The following EFCAB11 variants were observed in gnomAD, a reference collection of about 807,000 sequenced individuals.
EFCAB11 encodes the protein EF-hand calcium-binding domain-containing protein 11.
Under a neutral mutation model 23.0 loss-of-function variants are expected in EFCAB11, and 14 were observed. The ratio of observed to expected loss-of-function variants is 0.61; its 90% CI spans 0.40 to 0.95. EFCAB11 has a LOEUF of 0.95. EFCAB11 is among the 40% of genes least tolerant of loss of function. The probability of loss-of-function intolerance (pLI) is 0.00; values close to 1 mark genes in which losing one functional copy is unlikely to be tolerated. For synonymous variants in EFCAB11, 65 were observed against 66.6 expected (o/e 0.98, Z 0.11); for missense variants, 198 against 195.8 (o/e 1.01, Z -0.07).
rs189334638 is a variant in EFCAB11, at chr14:89,828,873, G to C, written c.411-31549C>G. 4.4e-3 allele frequency among the ~76,000 whole-genome samples: 677 copies of C among 152,284 alleles called. 7 individuals are homozygous for C. The highest frequency in any genetic ancestry group is 0.016 in the African/African-American group (649 of 41,554). ...TTACTTGGAAATATTGGGTGAATCT[G>C]CAGCAAAGAAGGTGGCTCAAGCACT... On this transcript the variant is annotated intron_variant, in intron 5 of 5. Coordinates refer to ENST00000316738, the MANE Select transcript of EFCAB11 (RefSeq NM_145231.4).
chr14:89,946,075 T>C (rs61998726), intron 3 of EFCAB11, among the ~76,000 whole-genome samples: 9,567 of 151,932 alleles, frequency 0.063, 430 homozygotes, highest in Non-Finnish European at 0.089. Context: ...TGCACCACCA[T>C]GTCCAGCTAA....
At chr14:89,843,175 G>A (rs907424511) in intron 5 of EFCAB11, among the ~76,000 whole-genome samples, 2 of 151,974 alleles carry the variant, frequency 1.3e-5, no homozygotes, top group Admixed American at 1.3e-4. Context: ...TTTGGCTTCA[G>A]GATTCCCTTA....
At chr14:89,887,324 T>G (rs1888820459) in intron 5 of EFCAB11, among the ~76,000 whole-genome samples, 1 of 152,098 alleles carries the variant, frequency 6.6e-6, no homozygotes, top group Non-Finnish European at 1.5e-5. Flanking sequence ...GAACTACAAA[T>G]GCAAAGATCT....
chr14:89,817,556 C>T (rs1002557118), intron 5 of EFCAB11, among the ~76,000 whole-genome samples: 1 of 152,020 alleles, frequency 6.6e-6, no homozygotes, highest in African/African-American at 2.4e-5. Context: ...TAGATGCTTA[C>T]TTTATACCAT....
chr14:89,901,981 CT>C (rs1419540993), intron 5 of EFCAB11, among the ~76,000 whole-genome samples: 1 of 150,872 alleles, frequency 6.6e-6, no homozygotes, highest in Non-Finnish European at 1.5e-5. Flanking sequence ...ATCCAAAACA[CT>C]TCTGGTCTCA....
intron 3 of EFCAB11, among the ~76,000 whole-genome samples, chr14:89,938,646 G>A (rs1222394057): frequency 2.0e-5 from 3 of 152,128 alleles, no homozygotes; most frequent in African/African-American, 7.2e-5. Context: ...TAGAGGCCAG[G>A]TGTGATGGCT....
intron 5 of EFCAB11, among the ~76,000 whole-genome samples, chr14:89,814,407 T>C (rs1364570051): frequency 6.6e-6 from 1 of 152,066 alleles, no homozygotes; most frequent in Non-Finnish European, 1.5e-5. Flanking sequence ...CAAGGGACTT[T>C]AAAAATCACC....
chr14:89,874,154 G>T (rs1206712049), intron 5 of EFCAB11, among the ~76,000 whole-genome samples: 1 of 152,190 alleles, frequency 6.6e-6, no homozygotes, highest in Non-Finnish European at 1.5e-5. Context: ...TGTACCCACA[G>T]GTCCAACACC....
At chr14:89,928,823 T>C (rs970901444) in intron 5 of EFCAB11, among the ~76,000 whole-genome samples, 4 of 147,398 alleles carry the variant, frequency 2.7e-5, no homozygotes, top group African/African-American at 9.9e-5. Context: ...ACATATATAA[T>C]TAAATAATTA....
chr14:89,943,247 GTTTTT>G (rs35175946), intron 3 of EFCAB11, among the ~76,000 whole-genome samples: 4 of 140,126 alleles, frequency 2.9e-5, no homozygotes, highest in African/African-American at 1.0e-4. Flanking sequence ...TTTCAGACCT[GTTTTT>G]TTTTTTTTTT....
At chr14:89,818,597 T>C (rs1596381162) in intron 5 of EFCAB11, among the ~76,000 whole-genome samples, 1 of 152,126 alleles carries the variant, frequency 6.6e-6, no homozygotes, top group Non-Finnish European at 1.5e-5. Flanking sequence ...GGTAAGGCAA[T>C]GAACAGACAA....
chr14:89,942,194 CAGTCTCAGGT>C (rs1291427492), intron 3 of EFCAB11, among the ~76,000 whole-genome samples: 1 of 152,158 alleles, frequency 6.6e-6, no homozygotes, highest in Non-Finnish European at 1.5e-5. Flanking sequence ...ATAAATTACT[CAGTCTCAGGT>C]AGTTCTTTAT....
At chr14:89,952,683 C>G (rs1033504215) in intron 2 of EFCAB11, 12 of 897,966 alleles carry the variant, frequency 1.3e-5, no homozygotes, top group Non-Finnish European at 1.6e-5. Flanking sequence ...TCTGTTGACA[C>G]AAATAGGGCG....
chr14:89,892,678 G>A lies in EFCAB11; in HGVS notation c.410+38863C>T, dbSNP rs372293359. Among the ~76,000 whole-genome samples, 71 of 152,266 alleles carry A rather than the reference G, an allele frequency of 4.7e-4. No individual in the cohort carries two copies. The South Asian group carries it at 0.014, about 29-fold the overall frequency. On this transcript the variant is annotated intron_variant, in intron 5 of 5. Transcript: ENST00000316738. ...GCATTTTCGGAGGCCAAGGACAGCG[G>A]ATCACCTGAGGTCAGGAGTTCGAGA...
chr14:89,902,454 A>G (rs984516203), intron 5 of EFCAB11, among the ~76,000 whole-genome samples: 1 of 152,162 alleles, frequency 6.6e-6, no homozygotes, highest in Non-Finnish European at 1.5e-5. Flanking sequence ...TGGTGGCTCT[A>G]TTCTCAGCAT....
chr14:89,917,053 CGTGTGTGTGTGTGTGTGTGT>C (rs71107570), intron 5 of EFCAB11, among the ~76,000 whole-genome samples: 12 of 136,628 alleles, frequency 8.8e-5, no homozygotes, highest in East Asian at 2.1e-4. Context: ...TGACATGCTT[CGTGTGTGTGTGTGTGTGTGT>C]GTGTGTGTGT....
intron 5 of EFCAB11, among the ~76,000 whole-genome samples, chr14:89,820,734 A>T (rs1316838225): frequency 6.6e-6 from 1 of 152,104 alleles, no homozygotes; most frequent in Non-Finnish European, 1.5e-5. Context: ...CCTATGCAGT[A>T]CTCAAAGTTT....
At chr14:89,891,364 G>T (rs1888957932) in intron 5 of EFCAB11, among the ~76,000 whole-genome samples, 1 of 152,094 alleles carries the variant, frequency 6.6e-6, no homozygotes, top group Non-Finnish European at 1.5e-5. Flanking sequence ...TGTAACAGAG[G>T]ATTTTAATAA....
chr14:89,944,820 C>T lies in EFCAB11; in HGVS notation c.217+5277G>A, dbSNP rs1027325517. On this transcript the variant is annotated intron_variant, in intron 3 of 5. Coordinates refer to ENST00000316738, the MANE Select transcript of EFCAB11 (RefSeq NM_145231.4). Reference sequence around the variant, plus strand: ...GTCTTATTTTAAATGTGATTCTAAACCTTGTACATAAAGTGTATTAGATTT... The same window carrying T: ...GTCTTATTTTAAATGTGATTCTAAATCTTGTACATAAAGTGTATTAGATTT... Among the ~76,000 whole-genome samples, 4 of 150,982 alleles carry T rather than the reference C, an allele frequency of 2.6e-5. No individual in the cohort carries two copies. In the East Asian group the frequency reaches 5.8e-4, roughly 22 times the overall value.
Sources: allele counts gnomAD v4.1 joint callset (sites outside exome capture counted in the v4.1 genomes callset), GRCh38; gene constraint gnomAD v4.1.1; transcripts MANE v1.5; gene names NCBI Gene and HGNC (gene_info 2026-07-23, HGNC 2026-07-21).